The following HDAC4 variants were observed in gnomAD, a reference collection of about 807,000 sequenced individuals.
HDAC4 encodes the protein histone deacetylase 4, also known as histone deacetylase A.
A neutral mutation model predicts 135.1 loss-of-function variants in HDAC4; 16 were observed. That is an observed-to-expected ratio of 0.12 (90% confidence interval 0.08 to 0.18). The LOEUF is 0.18. HDAC4 is among the 10% of genes least tolerant of loss of function. HDAC4 has a pLI of 1.00. For missense variants in HDAC4, 1,143 were observed against 1,511.8 expected (o/e 0.76, Z 4.05); for synonymous variants, 685 against 653.4 (o/e 1.05, Z -0.74).
chr2:239,358,799 G>A (rs1693679397), intron 1 of HDAC4, among the ~76,000 whole-genome samples: 1 of 151,994 alleles, frequency 6.6e-6, no homozygotes, highest in African/African-American at 2.4e-5. Context: ...TTTAATTCCG[G>A]TACACACACA....
In HDAC4 at chr2:239,066,858, G is replaced by A. The variant is rs1275501423; in HGVS notation, c.2870-3C>T. ...CTGCTTCGTCAGGTACCCGAAGCCT[G>A]CAACGGGAAACGGGAGACTGCAGTG... On this transcript the variant is annotated splice_region_variant and splice_polypyrimidine_tract_variant and intron_variant, in intron 23 of 26. Coordinates refer to ENST00000543185, the MANE Select transcript of HDAC4 (RefSeq NM_001378414.1). 2 of 1,612,678 alleles carry A rather than the reference G, an allele frequency of 1.2e-6. No individual in the cohort carries two copies.
At chr2:239,330,594 C>A (rs894752440) in intron 2 of HDAC4, among the ~76,000 whole-genome samples, 3 of 152,234 alleles carry the variant, frequency 2.0e-5, no homozygotes, top group African/African-American at 7.2e-5. Context: ...AGAAGTGGCA[C>A]AGGTCAGCCA....
chr2:239,283,874 T>C (rs2050973241), intron 2 of HDAC4, among the ~76,000 whole-genome samples: 1 of 152,200 alleles, frequency 6.6e-6, no homozygotes, highest in South Asian at 2.1e-4. Context: ...CTGGCTTGAA[T>C]GCCTGGGCTG....
At chr2:239,365,249 C>T (rs980910221) in intron 1 of HDAC4, among the ~76,000 whole-genome samples, 3 of 152,154 alleles carry the variant, frequency 2.0e-5, no homozygotes, top group South Asian at 2.1e-4. Context: ...GGCCACATGG[C>T]GCAAGACTTC....
chr2:239,102,836 T>C lies in HDAC4; in HGVS notation c.2173A>G (p.Thr725Ala). 1.9e-6 allele frequency: 3 copies of C among 1,613,834 alleles called. No homozygotes were observed. The highest frequency in any genetic ancestry group is 1.6e-4 in the Middle Eastern group (1 of 6,062). The stretch of plus-strand genomic sequence containing the variant: ...AGGGGGTTCGTGCCATACAGGAGGG[T>C]GTGGGCTTCCGAGTGCACCGTCTGT... The part of the protein sequence containing the change: ...ELQTVHSEAH[T>A]LLYGTNPLNR... Residue 725 changes from threonine to alanine, a missense_variant, in exon 16 of 27, where the codon ACC becomes GCC. This residue lies in a region of HDAC4 where 47 missense variants were observed against 117.2 expected (regional missense o/e 0.40). Transcript: ENST00000543185.
chr2:239,137,100 A>C (rs1041183299), intron 9 of HDAC4, among the ~76,000 whole-genome samples: 1 of 152,212 alleles, frequency 6.6e-6, no homozygotes, highest in African/African-American at 2.4e-5. Context: ...TTTCCTTTGT[A>C]AGCAAGGTTT....
intron 19 of HDAC4, among the ~76,000 whole-genome samples, chr2:239,087,272 T>C (rs575564871): frequency 2.0e-5 from 3 of 152,338 alleles, no homozygotes; most frequent in African/African-American, 7.2e-5. Context: ...CTCTCCCAAG[T>C]GTTGACAACT....
At position 239,267,791 on chromosome 2, in the gene HDAC4, G is replaced by A. The variant is rs147588259; in HGVS notation, c.23-31127C>T. Among the ~76,000 whole-genome samples, 1,159 of 152,386 alleles carry A rather than the reference G, an allele frequency of 7.6e-3. 15 individuals carry two copies. The highest frequency in any genetic ancestry group is 0.026 in the African/African-American group (1,075 of 41,600). On this transcript the variant is annotated intron_variant, in intron 2 of 26. Coordinates refer to ENST00000543185, the MANE Select transcript of HDAC4 (RefSeq NM_001378414.1). ...CATCCCCTCGCAGGCTTCTCCCTCC[G>A]TCAAGGACAGAGACTGCTCCAGCCA...
At chr2:239,207,937 C>T (rs2046136570) in intron 3 of HDAC4, among the ~76,000 whole-genome samples, 1 of 152,072 alleles carries the variant, frequency 6.6e-6, no homozygotes, top group Non-Finnish European at 1.5e-5. Flanking sequence ...TAAATACAGT[C>T]ACAAAAATCT....
chr2:239,103,432 C>A (rs1262857904), intron 15 of HDAC4, among the ~76,000 whole-genome samples: 2 of 152,204 alleles, frequency 1.3e-5, no homozygotes, highest in East Asian at 1.9e-4. Flanking sequence ...AGATTGAGAT[C>A]CCTGGGCTAA....
intron 2 of HDAC4, among the ~76,000 whole-genome samples, chr2:239,279,744 G>A (rs1361220165): frequency 6.6e-6 from 1 of 152,228 alleles, no homozygotes; most frequent in African/African-American, 2.4e-5. Context: ...CCCGCAGGGG[G>A]CATGGGATGG....
chr2:239,368,761 G>A (rs1167906237), intron 1 of HDAC4, among the ~76,000 whole-genome samples: 10 of 152,154 alleles, frequency 6.6e-5, no homozygotes, highest in Admixed American at 4.6e-4. Context: ...GCTTATCACT[G>A]CTGGAGTGGA....
At chr2:239,130,527 C>A (rs2040502402) in intron 11 of HDAC4, among the ~76,000 whole-genome samples, 1 of 145,996 alleles carries the variant, frequency 6.8e-6, no homozygotes, top group South Asian at 2.1e-4. Flanking sequence ...CTCCACGAGG[C>A]ATACACATCT....
chr2:239,356,834 C>T (rs1001120918), intron 1 of HDAC4, among the ~76,000 whole-genome samples: 2 of 152,040 alleles, frequency 1.3e-5, no homozygotes, highest in Non-Finnish European at 2.9e-5. Flanking sequence ...TGAGTCTATA[C>T]CGAGACCTCA....
chr2:239,144,197 C>T (rs569698299), intron 8 of HDAC4, among the ~76,000 whole-genome samples: 2 of 152,160 alleles, frequency 1.3e-5, no homozygotes, highest in Non-Finnish European at 2.9e-5. Context: ...AGACACTGCT[C>T]AGGGGCAGCG....
Position 239,081,112 on chromosome 2 carries a change from C to G in HDAC4, c.2733G>C (p.Glu911Asp), listed in dbSNP as rs781045798. 1.2e-6 allele frequency: 2 copies of G among 1,613,786 alleles called. No homozygotes were observed. The highest frequency in any genetic ancestry group is 2.7e-5 in the African/African-American group (2 of 74,938). The part of the protein sequence containing the change: ...GGLDPPMGDA[E>D]YLAAFRTVVM... ...AGGCTCACCTGAAGGCCGCCAAGTACTCAGCGTCTCCCATGGGGGGGTCCA... is the reference window on the plus strand; with the variant it reads ...AGGCTCACCTGAAGGCCGCCAAGTAGTCAGCGTCTCCCATGGGGGGGTCCA... Residue 911 changes from glutamate to aspartate, a missense_variant, in exon 22 of 27, where the codon GAG becomes GAC. By Grantham distance (45) the Glu-to-Asp change is conservative (BLOSUM62 2). Transcript: ENST00000543185.
rs982080393 is a variant in HDAC4, at chr2:239,189,723, C to A, written c.339+110G>T. 4.9e-6 allele frequency: 5 copies of A among 1,028,986 alleles called. No individual in the cohort carries two copies. The East Asian group carries it at 1.3e-4, about 26-fold the overall frequency. 63.7% of individuals were successfully genotyped at this position (1,028,986 alleles called of 1,614,324 possible). ...AACGCAGAAGGCCTCCTGCAGGAAC[C>A]CTGCATCATGCCTGGGGCCCCAGCA... On this transcript the variant is annotated intron_variant, in intron 4 of 26. Transcript: ENST00000543185.
At chr2:239,080,165 C>G (rs574115665) in intron 22 of HDAC4, among the ~76,000 whole-genome samples, 4 of 152,172 alleles carry the variant, frequency 2.6e-5, no homozygotes. Context: ...CATATGCAGA[C>G]GTGCACTCAC....
intron 2 of HDAC4, among the ~76,000 whole-genome samples, chr2:239,293,449 G>T (rs527801144): frequency 6.6e-6 from 1 of 152,166 alleles, no homozygotes; most frequent in Non-Finnish European, 1.5e-5. Flanking sequence ...AATCAAAGGG[G>T]GATACAATCT....
Sources: gnomAD v4.1 joint callset for allele counts (sites outside exome capture counted in the v4.1 genomes callset) on GRCh38, gnomAD v4.1.1 for gene constraint, gnomAD v4.1.1 regional missense constraint, MANE v1.5 for transcripts, NCBI Gene and HGNC (gene_info 2026-07-23, HGNC 2026-07-21) for gene names.